HEATR5A: variants seen among roughly 807,000 people sequenced by gnomAD.
The protein encoded by HEATR5A is HEAT repeat containing 5A.
HEATR5A carries 178 observed loss-of-function variants against 218.8 expected under a neutral mutation model. The observed-to-expected ratio is 0.81, with a 90% CI of 0.72 to 0.92. The LOEUF (loss-of-function observed/expected upper bound fraction) is 0.92, where lower values mean the gene tolerates loss of function less well. Ranked by LOEUF, HEATR5A falls within the 40% of genes least tolerant of loss-of-function variation. The probability of loss-of-function intolerance (pLI) is 0.00; values close to 1 mark genes in which losing one functional copy is unlikely to be tolerated. For synonymous variants in HEATR5A, 864 were observed against 871.6 expected (o/e 0.99, Z 0.15); for missense variants, 2,420 against 2,418.9 (o/e 1.00, Z -0.01).
At position 31,387,248 on chromosome 14, in the gene HEATR5A, G is replaced by A. The variant is rs2030263743; in HGVS notation, c.1061C>T (p.Ala354Val). Residue 354 changes from alanine (A) to valine (V), a missense_variant, in exon 8 of 36, where the codon GCC becomes GTC. Transcript: ENST00000543095. ...TGAAACACAACGGCGACAGCAGACGGCATCGATCTGAGTTTGGGTGGCTTT... is the reference window on the plus strand; with the variant it reads ...TGAAACACAACGGCGACAGCAGACGACATCGATCTGAGTTTGGGTGGCTTT... Reference protein sequence around the residue: ...HPKATQTQIDAVCCRRCVSFI... With the variant: ...HPKATQTQIDVVCCRRCVSFI... 2 of 1,613,842 alleles carry A rather than the reference G, an allele frequency of 1.2e-6. No homozygotes were observed. The highest frequency in any genetic ancestry group is 1.3e-5 in the African/African-American group (1 of 74,906).
Position 31,323,593 on chromosome 14 carries a change from T to C in HEATR5A, c.3759A>G (p.Ala1253=). The C allele has an allele frequency of 6.2e-7, 1 of 1,609,930 alleles. No individual in the cohort carries two copies. The highest frequency in any genetic ancestry group is 8.5e-7 in the Non-Finnish European group (1 of 1,177,558). Residue 1253 remains alanine (A), a synonymous_variant, in exon 24 of 36, where the codon GCA becomes GCG. Coordinates refer to ENST00000543095, the MANE Select transcript of HEATR5A (RefSeq NM_015473.4). ...ANSAHFDIAL[A]QEMKKRDSRN... ...TTGAATCTCTTTTTTTCATTTCTTG[T>C]GCTAAAGCAATGTCAAAATGTGCAC...
At chr14:31,306,964 A>G (rs1899574418) in intron 30 of HEATR5A, 85 bp from the exon 31 acceptor site, 3 of 1,103,924 alleles carry the variant, frequency 2.7e-6, no homozygotes, top group Non-Finnish European at 1.3e-6. Flanking sequence ...TGCCATGACA[A>G]AATTCAGAAA....
At chr14:31,308,822 T>C (rs1472150716) in intron 29 of HEATR5A, 112 bp downstream of exon 29, 3 of 788,096 alleles carry the variant, frequency 3.8e-6, no homozygotes, top group Admixed American at 3.2e-5. Flanking sequence ...TGAGCTTGAG[T>C]TGAAATCGTG....
chr14:31,367,345 A>C (rs1901839679), intron 13 of HEATR5A, among the ~76,000 whole-genome samples: 2 of 152,108 alleles, frequency 1.3e-5, no homozygotes, highest in African/African-American at 4.8e-5. Flanking sequence ...AAAACTATGA[A>C]TTATCTTCAA....
At chr14:31,321,701 T>A in intron 24 of HEATR5A, 21 bp from the exon 25 acceptor site, 1 of 1,510,924 alleles carries the variant, frequency 6.6e-7, no homozygotes, top group Non-Finnish European at 8.9e-7. Context: ...AAAAAACATA[T>A]TGGGAGAAAA....
At chr14:31,347,521 A>G (rs1246973473) in intron 19 of HEATR5A, among the ~76,000 whole-genome samples, 1 of 152,224 alleles carries the variant, frequency 6.6e-6, no homozygotes, top group African/African-American at 2.4e-5. Flanking sequence ...CAAAGCTATC[A>G]TTAAGATGGA....
At chr14:31,369,627 A>C (rs1345341451) in intron 13 of HEATR5A, among the ~76,000 whole-genome samples, 1 of 148,786 alleles carries the variant, frequency 6.7e-6, no homozygotes, top group African/African-American at 2.5e-5. Context: ...AAAAAAAAAA[A>C]AAAAAAAAAC....
At position 31,309,036 on chromosome 14, in the gene HEATR5A, A is replaced by G. The variant is rs762060694; in HGVS notation, c.4588T>C (p.Ser1530Pro). The G allele has an allele frequency of 1.9e-6, 3 of 1,613,938 alleles. No individual in the cohort carries two copies. Among genetic ancestry groups the G allele is most frequent in the Non-Finnish European group, 2.5e-6 (3 of 1,179,854 alleles). The change falls in exon 29 of 36, where the codon TCC (serine) becomes CCC (proline). Residue 1530 changes from serine (S) to proline (P), a missense_variant. By Grantham distance (74) the Ser-to-Pro change is moderately conservative. Transcript: ENST00000543095. ...ATGGAAGTTGGTGTTACAGGCCTGG[A>G]GAGATTAGATGCTCCTTCATCTGGG... is the stretch of plus-strand genomic sequence containing the variant. ...ADPDEGASNL[S>P]RPVTPTSMCQ...
At chr14:31,329,055 TC>T (rs1900371769) in intron 22 of HEATR5A, among the ~76,000 whole-genome samples, 3 of 151,988 alleles carry the variant, frequency 2.0e-5, no homozygotes, top group Non-Finnish European at 4.4e-5. Context: ...TATAAAACCA[TC>T]AGATCTTGTG....
intron 13 of HEATR5A, among the ~76,000 whole-genome samples, chr14:31,365,663 CT>C (rs1455393857): frequency 6.8e-6 from 1 of 147,722 alleles, no homozygotes; most frequent in African/African-American, 2.5e-5. Context: ...CCAGCGTGTA[CT>C]TTTTTTGTTG....
At chr14:31,383,882 G>T in intron 9 of HEATR5A, 111 bp from the exon 10 acceptor site, 2 of 802,522 alleles carry the variant, frequency 2.5e-6, no homozygotes, top group Non-Finnish European at 1.8e-6. Context: ...TTTATCAAAA[G>T]CCACATTATA....
intron 1 of HEATR5A, among the ~76,000 whole-genome samples, chr14:31,419,791 T>C (rs937919243): frequency 6.6e-6 from 1 of 152,234 alleles, no homozygotes; most frequent in African/African-American, 2.4e-5. Context: ...TCACTTGAAA[T>C]AACGCCGCGT....
intron 11 of HEATR5A, among the ~76,000 whole-genome samples, chr14:31,376,096 T>C (rs1296050890): frequency 6.6e-6 from 1 of 152,344 alleles, no homozygotes; most frequent in South Asian, 2.1e-4. Flanking sequence ...ATCCACTTAT[T>C]AGTTGTGTAA....
chr14:31,375,283 T>C (rs1902185242), intron 11 of HEATR5A, among the ~76,000 whole-genome samples: 1 of 152,220 alleles, frequency 6.6e-6, no homozygotes, highest in Non-Finnish European at 1.5e-5. Flanking sequence ...GTAATGCTTG[T>C]CTTTAAGGGC....
At chr14:31,321,436 C>T (rs1469110528) in intron 25 of HEATR5A, 63 bp downstream of exon 25, 1 of 1,333,362 alleles carries the variant, frequency 7.5e-7, no homozygotes, top group Non-Finnish European at 1.0e-6. Context: ...GCCACCATGC[C>T]TGGCCTCATA....
chr14:31,354,035 G>A (rs1315650112), intron 16 of HEATR5A, among the ~76,000 whole-genome samples: 1 of 151,828 alleles, frequency 6.6e-6, no homozygotes, highest in Admixed American at 6.6e-5. Context: ...TCTTGGCCTC[G>A]TGATCCGCCC....
chr14:31,405,579 TAC>T (rs1379314623), intron 1 of HEATR5A, among the ~76,000 whole-genome samples: 1 of 152,198 alleles, frequency 6.6e-6, no homozygotes, highest in Non-Finnish European at 1.5e-5. Flanking sequence ...CAATTAAGGA[TAC>T]AGTTAATAAA....
Position 31,417,312 on chromosome 14 carries a change from C to G in HEATR5A, c.-75+3160G>C, listed in dbSNP as rs1488211390. Among the ~76,000 whole-genome samples, 5 of 152,310 alleles carry G rather than the reference C, an allele frequency of 3.3e-5. No homozygotes were observed. In the East Asian group the frequency reaches 9.6e-4, roughly 29 times the overall value. On this transcript the variant is annotated intron_variant, in intron 1 of 35. Coordinates refer to ENST00000543095, the MANE Select transcript of HEATR5A (RefSeq NM_015473.4). ...CGGTGGCTCAAGCCTGTAATCTCAG[C>G]ACTTTGGGAGGCCGAGGTACGCGGA...
At chr14:31,375,649 A>G (rs1902199390) in intron 11 of HEATR5A, among the ~76,000 whole-genome samples, 1 of 151,854 alleles carries the variant, frequency 6.6e-6, no homozygotes, top group Non-Finnish European at 1.5e-5. Context: ...CAATCCACCC[A>G]CTTCAGCCTC....
Sources: allele counts gnomAD v4.1 joint callset (sites outside exome capture counted in the v4.1 genomes callset), GRCh38; gene constraint gnomAD v4.1.1; transcripts MANE v1.5; gene names NCBI Gene and HGNC (gene_info 2026-07-23, HGNC 2026-07-21).